Variants in C12orf54 observed in about 807,000 individuals in gnomAD.
C12orf54 encodes uncharacterized protein C12orf54.
C12orf54 carries 24 observed loss-of-function variants against 26.4 expected under a neutral mutation model. The ratio of observed to expected loss-of-function variants is 0.91; its 90% confidence interval spans 0.66 to 1.28. The LOEUF is 1.28. C12orf54 is among the 50% of genes most tolerant of loss of function. The probability of loss-of-function intolerance (pLI) is 0.00; values close to 1 mark genes in which losing one functional copy is unlikely to be tolerated. For missense variants in C12orf54, 154 were observed against 150.9 expected, an observed-to-expected ratio of 1.02 and a Z score of -0.11; for synonymous variants, 54 against 47.0, an observed-to-expected ratio of 1.15 and a Z score of -0.61.
the C12orf54 span, among the ~76,000 whole-genome samples, chr12:48,466,313 G>A: frequency 6.6e-6 from 1 of 152,144 alleles, no homozygotes; most frequent in East Asian, 1.9e-4. Flanking sequence ...GGAGGCCTAC[G>A]CAAATGGATC....
the C12orf54 span, among the ~76,000 whole-genome samples, chr12:48,455,487 T>C: frequency 3.3e-5 from 5 of 152,184 alleles, no homozygotes; most frequent in African/African-American, 1.2e-4. Context: ...TGGCTTGGGA[T>C]GCAGACAGAG....
At chr12:48,435,980 C>G in the C12orf54 span, among the ~76,000 whole-genome samples, 12 of 152,140 alleles carry the variant, frequency 7.9e-5, no homozygotes, top group African/African-American at 2.9e-4. Flanking sequence ...GATAAAGAGT[C>G]AAGACCCATC....
chr12:48,437,873 A>G, the C12orf54 span, among the ~76,000 whole-genome samples: 1 of 152,098 alleles, frequency 6.6e-6, no homozygotes, highest in Non-Finnish European at 1.5e-5. Context: ...CACCACTCCT[A>G]TTCAACATAG....
At chr12:48,465,186 C>A in the C12orf54 span, among the ~76,000 whole-genome samples, 1 of 151,992 alleles carries the variant, frequency 6.6e-6, no homozygotes, top group South Asian at 2.1e-4. Flanking sequence ...ACGTCTAATG[C>A]AGTATCTGTA....
the C12orf54 span, among the ~76,000 whole-genome samples, chr12:48,440,475 T>G: frequency 2.0e-5 from 3 of 152,250 alleles, no homozygotes; most frequent in Non-Finnish European, 4.4e-5. Flanking sequence ...CTAAAGGGTC[T>G]TTGTTAAATG....
Position 48,490,812 on chromosome 12 carries a change from C to CA in C12orf54, c.169_170insA (p.Leu57HisfsTer100). ...TGACTGTATTCTCATTATTTTTCAG[C>CA]TGCAGGAAGATGCTCGGATTCGAGG... On this transcript the variant is annotated frameshift_variant and splice_region_variant, in exon 6 of 9. Transcript: ENST00000548364. LOFTEE classifies it high-confidence loss of function. 6.2e-7 allele frequency: 1 copy of CA among 1,613,620 alleles called. No homozygotes were observed. Among genetic ancestry groups the CA allele is most frequent in the Non-Finnish European group, 8.5e-7 (1 of 1,179,588 alleles).
the C12orf54 span, among the ~76,000 whole-genome samples, chr12:48,451,523 A>T: frequency 8.5e-5 from 13 of 152,338 alleles, no homozygotes; most frequent in Admixed American, 1.3e-4. Flanking sequence ...AATAAGGGAT[A>T]TTCAAATAGG....
chr12:48,441,897 C>A, the C12orf54 span: 1 of 152,064 alleles, frequency 6.6e-6, no homozygotes, highest in Non-Finnish European at 1.5e-5. Context: ...AATTTTCCAC[C>A]TTTTCTTAAA....
chr12:48,483,176 G>A (rs1316250531), intron 1 of C12orf54, 64 bp from the exon 2 acceptor site: 1 of 787,098 alleles, frequency 1.3e-6, no homozygotes, highest in African/African-American at 1.7e-5. Context: ...GTTCTCCACT[G>A]AATAAGCGCT....
At chr12:48,426,691 G>T in the C12orf54 span, among the ~76,000 whole-genome samples, 11 of 152,012 alleles carry the variant, frequency 7.2e-5, no homozygotes. Context: ...TCATTGTAAT[G>T]ATATTGATTC....
At chr12:48,488,134 G>A (rs1430945530) in intron 4 of C12orf54, 5 of 790,712 alleles carry the variant, frequency 6.3e-6, no homozygotes, top group Non-Finnish European at 9.2e-6. Context: ...CAGTTTGCCT[G>A]GAGACATTTC....
At chr12:48,491,845 C>T (rs912322401) in intron 6 of C12orf54, among the ~76,000 whole-genome samples, 1 of 152,122 alleles carries the variant, frequency 6.6e-6, no homozygotes, top group Non-Finnish European at 1.5e-5. Flanking sequence ...TACAAATCAC[C>T]TGGGTCCCTT....
At chr12:48,418,744 A>T in the C12orf54 span, among the ~76,000 whole-genome samples, 1 of 152,164 alleles carries the variant, frequency 6.6e-6, no homozygotes, top group Admixed American at 6.5e-5. Context: ...GTGTTATTTT[A>T]ATTAAGATGA....
At chr12:48,424,503 AT>A in the C12orf54 span, among the ~76,000 whole-genome samples, 1 of 151,646 alleles carries the variant, frequency 6.6e-6, no homozygotes, top group South Asian at 2.1e-4. Context: ...TAAAAATTCA[AT>A]TTTTTTATGC....
the C12orf54 span, among the ~76,000 whole-genome samples, chr12:48,450,318 G>A: frequency 6.6e-6 from 1 of 152,086 alleles, no homozygotes; most frequent in Non-Finnish European, 1.5e-5. Context: ...CAGAATCTCT[G>A]GGATGCAGCT....
the C12orf54 span, among the ~76,000 whole-genome samples, chr12:48,419,673 A>G: frequency 1.3e-5 from 2 of 152,150 alleles, no homozygotes; most frequent in African/African-American, 2.4e-5. Flanking sequence ...CAAGGGAGAC[A>G]TGGAGGAGAG....
chr12:48,458,108 G>A, the C12orf54 span, among the ~76,000 whole-genome samples: 38 of 152,124 alleles, frequency 2.5e-4, no homozygotes, highest in Admixed American at 1.2e-3. Flanking sequence ...CCTTGTTTTC[G>A]GCTTCCTCTC....
chr12:48,473,006 C>T, the C12orf54 span: 2 of 1,614,080 alleles, frequency 1.2e-6, no homozygotes, highest in Non-Finnish European at 1.7e-6. Flanking sequence ...AGTTAGAAAA[C>T]CTCGAGAGCT....
chr12:48,478,376 T>A (rs572137830), upstream of C12orf54, among the ~76,000 whole-genome samples: 46 of 152,244 alleles, frequency 3.0e-4, no homozygotes, highest in African/African-American at 1.1e-3. Flanking sequence ...CTATTCAACA[T>A]AGTGTTGGAA....
Sources: allele counts gnomAD v4.1 joint callset (sites outside exome capture counted in the v4.1 genomes callset), GRCh38; gene constraint gnomAD v4.1.1; transcripts MANE v1.5; gene names NCBI Gene and HGNC (gene_info 2026-07-23, HGNC 2026-07-21).